The following PDE4D variants were observed in gnomAD, a reference collection of about 807,000 sequenced individuals.
The protein encoded by PDE4D is 3',5'-cyclic-AMP phosphodiesterase 4D.
A neutral mutation model predicts 87.4 loss-of-function variants in PDE4D; 24 were observed. The observed-to-expected ratio is 0.27, with a 90% confidence interval of 0.20 to 0.39. The LOEUF is 0.39. Among genes scored for constraint, PDE4D ranks in the 10% least tolerant of loss-of-function variants. The pLI, the probability that PDE4D is intolerant of heterozygous loss-of-function variation, is 1.00. For missense variants in PDE4D, 714 were observed against 1,041.0 expected (o/e 0.69, Z 4.32); for synonymous variants, 384 against 383.2 (o/e 1.00, Z -0.02).
At chr5:60,347,189 T>A (rs1351194287) in intron 1 of PDE4D, among the ~76,000 whole-genome samples, 1 of 151,978 alleles carries the variant, frequency 6.6e-6, no homozygotes, top group African/African-American at 2.4e-5. Flanking sequence ...GAATGATGCA[T>A]AAGAGCCAGT....
chr5:60,362,595 C>T (rs764006733), intron 1 of PDE4D, among the ~76,000 whole-genome samples: 5 of 152,258 alleles, frequency 3.3e-5, no homozygotes, highest in East Asian at 1.9e-4. Context: ...CAGTGGCTCA[C>T]GCCTGTAATC....
chr5:59,186,376 C>G (rs1742916566), intron 3 of PDE4D, among the ~76,000 whole-genome samples: 1 of 152,168 alleles, frequency 6.6e-6, no homozygotes, highest in Admixed American at 6.6e-5. Flanking sequence ...AGAACAGTGC[C>G]TGGCAAATAG....
At chr5:59,140,184 C>T (rs1777687525) in intron 5 of PDE4D, among the ~76,000 whole-genome samples, 2 of 152,204 alleles carry the variant, frequency 1.3e-5, no homozygotes, top group African/African-American at 4.8e-5. Context: ...CATCATACTT[C>T]TCAAGGGCAA....
intron 1 of PDE4D, among the ~76,000 whole-genome samples, chr5:59,680,135 G>A (rs1234701353): frequency 6.6e-6 from 1 of 152,010 alleles, no homozygotes; most frequent in Admixed American, 6.5e-5. Context: ...TAATGGCATT[G>A]CTTTTATACC....
chr5:59,081,518 T>TTAAAAAAAAAAA (rs56306218), intron 5 of PDE4D, among the ~76,000 whole-genome samples: 8 of 135,432 alleles, frequency 5.9e-5, no homozygotes, highest in Non-Finnish European at 1.1e-4. Flanking sequence ...AGTAATCAGG[T>TTAAAAAAAAAAA]AAAAAAAAAA....
At chr5:59,411,645 T>C (rs258124) in intron 1 of PDE4D, among the ~76,000 whole-genome samples, 99,115 of 151,910 alleles carry the variant, frequency 0.65, 33,300 homozygotes, top group African/African-American at 0.8. Flanking sequence ...ATTCCCTCCC[T>C]TTATAAAGGT....
intron 6 of PDE4D, among the ~76,000 whole-genome samples, chr5:59,023,672 C>T (rs986898089): frequency 1.3e-5 from 2 of 151,536 alleles, no homozygotes; most frequent in African/African-American, 4.8e-5. Flanking sequence ...CAAAACAAAA[C>T]AAAAAACGTT....
intron 1 of PDE4D, among the ~76,000 whole-genome samples, chr5:59,589,696 C>T (rs143570228): frequency 2.3e-3 from 344 of 152,310 alleles, no homozygotes; most frequent in African/African-American, 8.1e-3. Context: ...ACCTCTGAAT[C>T]TTTCTCCACT....
chr5:59,408,201 T>C lies in PDE4D; in HGVS notation c.456-192233A>G, dbSNP rs554703204. ...ATAAGCACAGGGCACCACTACACTG[T>C]CTACCTCAGGAGGCTGCTCCTTGCA... On this transcript the variant is annotated intron_variant, in intron 1 of 14. Transcript: ENST00000340635. 3.3e-5 allele frequency among the ~76,000 whole-genome samples: 5 copies of C among 152,316 alleles called. No individual in the cohort carries two copies. The East Asian group carries it at 7.7e-4, about 24-fold the overall frequency.
chr5:60,041,648 C>G (rs925636973), intron 2 of PDE4D, among the ~76,000 whole-genome samples: 1 of 152,084 alleles, frequency 6.6e-6, no homozygotes, highest in East Asian at 1.9e-4. Flanking sequence ...CAGACCACGG[C>G]GTGTGAGCTG....
intron 1 of PDE4D, among the ~76,000 whole-genome samples, chr5:59,264,855 G>A (rs967682632): frequency 1.3e-5 from 2 of 151,890 alleles, no homozygotes; most frequent in Admixed American, 6.6e-5. Flanking sequence ...AACACTTCAC[G>A]CCACAAGAAC....
At chr5:60,026,219 T>G (rs1766605948) in intron 2 of PDE4D, among the ~76,000 whole-genome samples, 1 of 152,148 alleles carries the variant, frequency 6.6e-6, no homozygotes, top group African/African-American at 2.4e-5. Context: ...GCTAAATATT[T>G]CCATGGGAAT....
At chr5:59,574,132 ATATATATATATAAATATATATT>A (rs1483462254) in intron 1 of PDE4D, among the ~76,000 whole-genome samples, 27 of 3,374 alleles carry the variant, frequency 8.0e-3, no homozygotes, top group African/African-American at 0.01. Flanking sequence ...ATATATTTAT[ATATATATATATAAATATATATT>A]TATATATATA....
At chr5:59,579,966 G>C (rs1343987256) in intron 1 of PDE4D, among the ~76,000 whole-genome samples, 1 of 152,230 alleles carries the variant, frequency 6.6e-6, no homozygotes, top group Non-Finnish European at 1.5e-5. Flanking sequence ...CACAGTCTAA[G>C]TATAGGTCAT....
chr5:59,655,951 C>T (rs965227481), intron 1 of PDE4D, among the ~76,000 whole-genome samples: 3 of 152,106 alleles, frequency 2.0e-5, no homozygotes, highest in Non-Finnish European at 4.4e-5. Flanking sequence ...GAATAGTGCC[C>T]GGCTATGTTC....
At chr5:59,159,230 G>A (rs1473636138) in intron 5 of PDE4D, among the ~76,000 whole-genome samples, 1 of 151,998 alleles carries the variant, frequency 6.6e-6, no homozygotes, top group Non-Finnish European at 1.5e-5. Flanking sequence ...TTGGGCTCAA[G>A]CAACCCTCCT....
chr5:60,007,372 A>G (rs1764594142), intron 2 of PDE4D, among the ~76,000 whole-genome samples: 1 of 152,042 alleles, frequency 6.6e-6, no homozygotes, highest in African/African-American at 2.4e-5. Context: ...GGAATGATTA[A>G]CTGCTGCTTA....
chr5:60,277,114 T>C (rs1044609711), intron 1 of PDE4D, among the ~76,000 whole-genome samples: 5 of 151,944 alleles, frequency 3.3e-5, no homozygotes, highest in African/African-American at 1.2e-4. Flanking sequence ...AAAACAATAT[T>C]TTATATACAT....
At chr5:60,249,440 G>A (rs75676304) in intron 1 of PDE4D, among the ~76,000 whole-genome samples, 1,522 of 152,062 alleles carry the variant, frequency 0.01, 32 homozygotes, top group African/African-American at 0.035. Context: ...AAATACAGTT[G>A]GTCCAAGAGG....
Sources: gnomAD v4.1 joint callset for allele counts (sites outside exome capture counted in the v4.1 genomes callset) on GRCh38, gnomAD v4.1.1 for gene constraint, MANE v1.5 for transcripts, NCBI Gene and HGNC (gene_info 2026-07-23, HGNC 2026-07-21) for gene names.